The following USP24 variants were observed in gnomAD, a reference collection of about 807,000 sequenced individuals.
USP24 encodes ubiquitin carboxyl-terminal hydrolase 24.
Under a neutral mutation model 361.6 loss-of-function variants are expected in USP24, and 97 were observed. The ratio of observed to expected loss-of-function variants is 0.27; its 90% confidence interval spans 0.23 to 0.32. USP24 has a LOEUF of 0.32. Ranked by LOEUF, USP24 falls within the 10% of genes least tolerant of loss-of-function variation. The pLI, the probability that USP24 is intolerant of heterozygous loss-of-function variation, is 1.00. For missense variants in USP24, 2,353 were observed against 3,165.6 expected (o/e 0.74, Z 6.16); for synonymous variants, 1,098 against 1,124.6 (o/e 0.98, Z 0.47).
rs1165658382 is a variant in USP24, at chr1:55,115,495, C to CAAAAAAAAAA, written c.4508+5091_4508+5100dup. ...TGGGCGACAGAGCGAGACTCCGCCT[C>CAAAAAAAAAA]AAAAAAAAAAAAAAAAAAAAAGGAA... On this transcript the variant is annotated intron_variant, in intron 38 of 67. Coordinates refer to ENST00000294383, the MANE Select transcript of USP24 (RefSeq NM_015306.3). Among the ~76,000 whole-genome samples, 322 of 45,638 alleles carry CAAAAAAAAAA rather than the reference C, an allele frequency of 7.1e-3. 16 individuals are homozygous for CAAAAAAAAAA. The highest frequency in any genetic ancestry group is 0.025 in the Middle Eastern group (1 of 40). 29.9% of individuals were successfully genotyped at this position (45,638 alleles called of 152,430 possible).
chr1:55,157,602 G>A (rs917945253), intron 10 of USP24, among the ~76,000 whole-genome samples: 4 of 152,154 alleles, frequency 2.6e-5, no homozygotes, highest in African/African-American at 9.7e-5. Flanking sequence ...GGAGGCCAAG[G>A]TGGGTGGATC....
Position 55,116,886 on chromosome 1 carries a change from A to T in USP24, c.4508+3710T>A, listed in dbSNP as rs141971322. On this transcript the variant is annotated intron_variant, in intron 38 of 67. Coordinates refer to ENST00000294383, the MANE Select transcript of USP24 (RefSeq NM_015306.3). ...ACCCTGATACAAAAGCCAGAAAAAG[A>T]CACCACAAGAAAACTACAGACCAAT... 1.5e-4 allele frequency among the ~76,000 whole-genome samples: 23 copies of T among 152,298 alleles called. No homozygotes were observed. In the East Asian group the frequency reaches 4.1e-3, roughly 27 times the overall value.
In USP24 at chr1:55,104,018, C is replaced by A; in HGVS notation, c.4883G>T (p.Cys1628Phe). The A allele has an allele frequency of 1.3e-6, 2 of 1,599,812 alleles. No individual in the cohort carries two copies. Among genetic ancestry groups the A allele is most frequent in the South Asian group, 1.1e-5 (1 of 88,438 alleles). Reference sequence around the variant, plus strand: ...TGCCAATCGGCTATTCGCTGTACTACACCTAGAAACAAAAGACACAAGTCA... The same window carrying A: ...TGCCAATCGGCTATTCGCTGTACTAAACCTAGAAACAAAAGACACAAGTCA... ...AISQQDFHPK[C>F]STANSRLAAY... is the part of the protein sequence containing the mutation. The change falls in exon 42 of 68, where the codon TGT (cysteine) becomes TTT (phenylalanine). Residue 1628 changes from cysteine to phenylalanine, a missense_variant and splice_region_variant. Cys to Phe is a radical substitution (Grantham distance 205). This residue lies in a region of USP24 where 949 missense variants were observed against 1,280.5 expected (regional missense o/e 0.74). Transcript: ENST00000294383.
rs1433664284 is a variant in USP24 at position 55,215,326 on chromosome 1, G to A, written c.-213C>T. Among the ~76,000 whole-genome samples, 1 of 151,862 alleles carries A rather than the reference G, an allele frequency of 6.6e-6. No individual in the cohort carries two copies. Among genetic ancestry groups the A allele is most frequent in the Non-Finnish European group, 1.5e-5 (1 of 67,910 alleles). ...CGGTGAGGCGCTCAGGCGCGGCTGC[G>A]GCCCGGCCCAGCCCTGCGCGCCGCC... is the stretch of plus-strand genomic sequence containing the variant. On this transcript the variant is annotated 5_prime_UTR_variant, in exon 1 of 68. Coordinates refer to ENST00000294383, the MANE Select transcript of USP24 (RefSeq NM_015306.3).
At chr1:55,101,486 T>C in intron 43 of USP24, 98 bp downstream of exon 43, 1 of 1,501,470 alleles carries the variant, frequency 6.7e-7, no homozygotes, top group Non-Finnish European at 9.0e-7. Flanking sequence ...TTATGTCTTG[T>C]TTTAGGAAAC....
chr1:55,082,990 C>G, intron 58 of USP24, among the ~76,000 whole-genome samples: 1 of 151,818 alleles, frequency 6.6e-6, no homozygotes, highest in Non-Finnish European at 1.5e-5. Flanking sequence ...AGTAGAAGAC[C>G]CCAATACCAC....
chr1:55,205,372 G>A (rs1331368854), intron 1 of USP24, among the ~76,000 whole-genome samples: 1 of 152,086 alleles, frequency 6.6e-6, no homozygotes, highest in Non-Finnish European at 1.5e-5. Flanking sequence ...AGAACAGAAG[G>A]GGCAGGAAAG....
At chr1:55,074,832 T>C (rs1056780322) in intron 63 of USP24, among the ~76,000 whole-genome samples, 3 of 152,244 alleles carry the variant, frequency 2.0e-5, no homozygotes, top group Non-Finnish European at 2.9e-5. Context: ...ATCTTTTTTC[T>C]ACAACAGAAA....
At chr1:55,080,075 T>C (rs1645118814) in intron 59 of USP24, among the ~76,000 whole-genome samples, 1 of 152,182 alleles carries the variant, frequency 6.6e-6, no homozygotes, top group South Asian at 2.1e-4. Flanking sequence ...CCACTGAAGA[T>C]ACAGTGGAGA....
At chr1:55,127,884 C>G (rs1646481602) in intron 32 of USP24, among the ~76,000 whole-genome samples, 2 of 152,084 alleles carry the variant, frequency 1.3e-5, no homozygotes. Context: ...AAGGAGAGAT[C>G]TCTATGCCCT....
chr1:55,079,500 G>A, intron 60 of USP24, 38 bp downstream of exon 60: 1 of 1,553,950 alleles, frequency 6.4e-7, no homozygotes, highest in African/African-American at 1.4e-5. Context: ...TCCTCAAACA[G>A]GAGGGAAAAA....
At chr1:55,178,786 G>A (rs996438761) in intron 1 of USP24, among the ~76,000 whole-genome samples, 5 of 152,098 alleles carry the variant, frequency 3.3e-5, no homozygotes, top group Non-Finnish European at 4.4e-5. Context: ...AGCACTTTGG[G>A]AGGCTGAGGT....
chr1:55,088,807 A>G (rs1289048457), intron 55 of USP24, among the ~76,000 whole-genome samples: 1 of 152,210 alleles, frequency 6.6e-6, no homozygotes, highest in African/African-American at 2.4e-5. Flanking sequence ...AGTAAAGTGT[A>G]AACATTCATA....
In USP24 at chr1:55,080,774, T is replaced by C. The variant is rs560775686; in HGVS notation, c.7078+548A>G. Reference sequence around the variant, plus strand: ...TTTGTGGTTTTGCTGTATTGGATGATGACTGTGTTATTAGTTCTGGGAGAC... The same window carrying C: ...TTTGTGGTTTTGCTGTATTGGATGACGACTGTGTTATTAGTTCTGGGAGAC... On this transcript the variant is annotated intron_variant, in intron 59 of 67. Transcript: ENST00000294383. Among the ~76,000 whole-genome samples, 39 of 152,348 alleles carry C rather than the reference T, an allele frequency of 2.6e-4. No individual in the cohort carries two copies. In the East Asian group the frequency reaches 7.1e-3, roughly 28 times the overall value.
chr1:55,186,354 A>G (rs1644130589), intron 1 of USP24, among the ~76,000 whole-genome samples: 1 of 152,198 alleles, frequency 6.6e-6, no homozygotes, highest in African/African-American at 2.4e-5. Context: ...CCTACAATGA[A>G]TAACACTATG....
chr1:55,102,742 A>G (rs1473944843), intron 42 of USP24, among the ~76,000 whole-genome samples: 1 of 152,210 alleles, frequency 6.6e-6, no homozygotes, highest in Non-Finnish European at 1.5e-5. Context: ...TTTATCTAAC[A>G]CAGATATTGC....
chr1:55,098,364 T>C lies in USP24; in HGVS notation c.5453+112A>G. 21 of 998,220 alleles carry C rather than the reference T, an allele frequency of 2.1e-5. No individual in the cohort carries two copies. In the South Asian group the frequency reaches 3.6e-4, roughly 17 times the overall value. The allele number at this position is 998,220 out of a possible 1,614,324, so 61.8% of individuals were successfully genotyped here. On this transcript the variant is annotated intron_variant, in intron 46 of 67. Transcript: ENST00000294383. ...AAGTCACTAAATACTTATAGATCTG[T>C]TGACAGGGAGAGAGTTCTAAGTCTC...
intron 52 of USP24, 92 bp downstream of exon 52, chr1:55,093,845 A>C: frequency 6.5e-7 from 1 of 1,529,240 alleles, no homozygotes. Flanking sequence ...CCAGTGGTAC[A>C]ACTAATCCAG....
chr1:55,160,107 A>G (rs990273543), intron 8 of USP24, among the ~76,000 whole-genome samples: 4 of 152,226 alleles, frequency 2.6e-5, no homozygotes, highest in African/African-American at 9.6e-5. Flanking sequence ...CCTATAGATG[A>G]AATTCATACA....
Sources: allele counts gnomAD v4.1 joint callset (sites outside exome capture counted in the v4.1 genomes callset), GRCh38; gene constraint gnomAD v4.1.1; regional missense constraint gnomAD v4.1.1; transcripts MANE v1.5; gene names NCBI Gene and HGNC (gene_info 2026-07-23, HGNC 2026-07-21).